Variants in ZBTB16 observed in about 807,000 individuals in gnomAD.
ZBTB16 encodes zinc finger and BTB domain containing 16, also known as zinc finger and BTB domain-containing protein 16.
ZBTB16 carries 8 observed loss-of-function variants against 56.8 expected under a neutral mutation model. The observed-to-expected ratio is 0.14, with a 90% CI of 0.08 to 0.25. ZBTB16 has a LOEUF of 0.25. ZBTB16 is among the 10% of genes least tolerant of loss of function. The probability of loss-of-function intolerance (pLI) is 1.00; values close to 1 mark genes in which losing one functional copy is unlikely to be tolerated. For missense variants in ZBTB16, 625 were observed against 903.0 expected (o/e 0.69, Z 3.95); for synonymous variants, 363 against 368.5 (o/e 0.98, Z 0.17).
At chr11:114,244,878 C>G (rs551166368) in intron 5 of ZBTB16, among the ~76,000 whole-genome samples, 1 of 152,210 alleles carries the variant, frequency 6.6e-6, no homozygotes. Context: ...CACCCCCACC[C>G]GGCTGGGTGG....
chr11:114,095,258 T>C (rs1565622478), intron 2 of ZBTB16, among the ~76,000 whole-genome samples: 2 of 134,986 alleles, frequency 1.5e-5, no homozygotes, highest in South Asian at 2.5e-4. Flanking sequence ...TTTTTTTTTT[T>C]TTTTTTTTTT....
At chr11:114,232,146 G>C (rs1191400766) in intron 4 of ZBTB16, among the ~76,000 whole-genome samples, 1 of 152,182 alleles carries the variant, frequency 6.6e-6, no homozygotes, top group Non-Finnish European at 1.5e-5. Context: ...TTTCCTGGAA[G>C]CCTCTAAGAT....
rs1938774111 is a variant in ZBTB16, at chr11:114,060,334, C to G, written c.-91+452C>G. ...ATTTGTGTGTTTATTCGCCGGCCGG[C>G]TGGGAAGCTAGAATCGGAGGAGCTG... On this transcript the variant is annotated intron_variant, in intron 1 of 6. Transcript: ENST00000335953. This position sits in a 1 kb window ranked among gnomAD's most constrained non-coding sequence, Gnocchi z 6.0. 6.5e-6 allele frequency: 1 copy of G among 152,742 alleles called. No individual in the cohort carries two copies. Among genetic ancestry groups the G allele is most frequent in the African/African-American group, 2.4e-5 (1 of 41,472 alleles). The allele number at this position is 152,742 out of a possible 1,614,324, so 9.5% of individuals were successfully genotyped here.
chr11:114,167,485 A>AT (rs772882495), intron 3 of ZBTB16, among the ~76,000 whole-genome samples: 1 of 138,552 alleles, frequency 7.2e-6, no homozygotes, highest in Non-Finnish European at 1.5e-5. Context: ...CATCAGTAGG[A>AT]TTTTTTTCAC....
chr11:114,239,619 G>T (rs1216541458), intron 4 of ZBTB16, among the ~76,000 whole-genome samples: 1 of 152,206 alleles, frequency 6.6e-6, no homozygotes, highest in Non-Finnish European at 1.5e-5. Context: ...GTGAAGCTGA[G>T]TAGACTACTC....
chr11:114,233,986 C>T (rs1944510255), intron 4 of ZBTB16, among the ~76,000 whole-genome samples: 1 of 152,216 alleles, frequency 6.6e-6, no homozygotes, highest in Non-Finnish European at 1.5e-5. Flanking sequence ...AATGTAATCA[C>T]TCTCTCATCC....
chr11:114,235,218 A>T (rs1162140620), intron 4 of ZBTB16, among the ~76,000 whole-genome samples: 1 of 152,206 alleles, frequency 6.6e-6, no homozygotes, highest in Admixed American at 6.5e-5. Context: ...CCTCCGGGGT[A>T]CATGTGCATG....
At chr11:114,204,330 G>A (rs1192485736) in intron 4 of ZBTB16, among the ~76,000 whole-genome samples, 2 of 152,048 alleles carry the variant, frequency 1.3e-5, no homozygotes, top group African/African-American at 4.8e-5. Flanking sequence ...AGTAGAGATG[G>A]GGTTTCACCA....
intron 3 of ZBTB16, among the ~76,000 whole-genome samples, chr11:114,162,799 A>T (rs1942627399): frequency 6.6e-6 from 1 of 152,162 alleles, no homozygotes; most frequent in South Asian, 2.1e-4. Flanking sequence ...TTCGGTCCGC[A>T]TGGGTGATGC....
chr11:114,091,234 G>C (rs1591656021), intron 2 of ZBTB16, among the ~76,000 whole-genome samples: 1 of 152,282 alleles, frequency 6.6e-6, no homozygotes, highest in East Asian at 1.9e-4. Flanking sequence ...TATAGTCCCA[G>C]CTACTTGGGA....
chr11:114,146,437 T>C (rs551923650), intron 2 of ZBTB16, among the ~76,000 whole-genome samples: 130 of 152,182 alleles, frequency 8.5e-4, no homozygotes, highest in African/African-American at 2.9e-3. Context: ...ACTTTCTCCA[T>C]CCACAAAATG....
At chr11:114,098,479 A>G (rs1940496524) in intron 2 of ZBTB16, among the ~76,000 whole-genome samples, 1 of 151,930 alleles carries the variant, frequency 6.6e-6, no homozygotes, top group Admixed American at 6.6e-5. Flanking sequence ...ATTGCTTTTA[A>G]TTAGTGTTGG....
At position 114,096,741 on chromosome 11, in the gene ZBTB16, A is replaced by T. The variant is rs953039068; in HGVS notation, c.1268+32173A>T. Among the ~76,000 whole-genome samples, 5 of 152,326 alleles carry T rather than the reference A, an allele frequency of 3.3e-5. No individual in the cohort carries two copies. In the East Asian group the frequency reaches 9.6e-4, roughly 29 times the overall value. ...GTTTGCAGCCCAGCATTTTACGGGC[A>T]CTTTTGCGACTGTGTACCCTTGCGT... On this transcript the variant is annotated intron_variant, in intron 2 of 6. Transcript: ENST00000335953.
chr11:114,237,843 T>C (rs1944623410), intron 4 of ZBTB16, among the ~76,000 whole-genome samples: 1 of 152,228 alleles, frequency 6.6e-6, no homozygotes, highest in African/African-American at 2.4e-5. Flanking sequence ...TAAAAATACT[T>C]TTCTATCATC....
rs186789400 is a variant in ZBTB16 at position 114,222,644 on chromosome 11, C to T, written c.1454-19523C>T. Among the ~76,000 whole-genome samples the T allele has an allele frequency of 5.5e-4, 84 of 152,270 alleles. 1 individual carries two copies. The East Asian group carries it at 0.015, about 27-fold the overall frequency. ...TTTGGCCAGGACTGAGAGCAACTCA[C>T]ATCTGACAAAAGCCTGTTCACCTCT... is the stretch of plus-strand genomic sequence containing the variant. On this transcript the variant is annotated intron_variant, in intron 4 of 6. Transcript: ENST00000335953.
intron 4 of ZBTB16, among the ~76,000 whole-genome samples, chr11:114,238,374 C>G (rs534415119): frequency 4.6e-5 from 7 of 152,164 alleles, no homozygotes; most frequent in Admixed American, 2.6e-4. Flanking sequence ...AGCAGACATG[C>G]ATTTCTCACA....
At chr11:114,067,535 C>T (rs1257699051) in intron 2 of ZBTB16, among the ~76,000 whole-genome samples, 1 of 152,044 alleles carries the variant, frequency 6.6e-6, no homozygotes, top group Non-Finnish European at 1.5e-5. Context: ...GCCTCCTGAG[C>T]AGCTGGGACT....
At chr11:114,224,673 C>T (rs1944296129) in intron 4 of ZBTB16, among the ~76,000 whole-genome samples, 1 of 152,046 alleles carries the variant, frequency 6.6e-6, no homozygotes, top group Admixed American at 6.5e-5. Flanking sequence ...CCAGAGGAAC[C>T]CCAACATATT....
intron 3 of ZBTB16, among the ~76,000 whole-genome samples, chr11:114,171,939 G>A (rs73002833): frequency 0.012 from 1,902 of 152,366 alleles, 19 homozygotes; most frequent in Middle Eastern, 0.024. Context: ...AGAGCAGGAC[G>A]TTTATGAAGG....
Sources: gnomAD v4.1 joint callset for allele counts (sites outside exome capture counted in the v4.1 genomes callset) on GRCh38, gnomAD v4.1.1 for gene constraint, Gnocchi (gnomAD v3.1) non-coding constraint, MANE v1.5 for transcripts, NCBI Gene and HGNC (gene_info 2026-07-23, HGNC 2026-07-21) for gene names.